ZNG1B: variants seen among roughly 807,000 people sequenced by gnomAD.
ZNG1B encodes the protein zinc-regulated GTPase metalloprotein activator 1B.
At chr2:113,476,091 A>G in the ZNG1B span, among the ~76,000 whole-genome samples, 3 of 151,794 alleles carry the variant, frequency 2.0e-5, no homozygotes, top group Non-Finnish European at 2.9e-5. Flanking sequence ...GTGTTTTCCA[A>G]CTTGGTTCCA....
At chr2:113,442,981 T>G in the ZNG1B span, among the ~76,000 whole-genome samples, 39 of 151,860 alleles carry the variant, frequency 2.6e-4, no homozygotes, top group Non-Finnish European at 4.7e-4. Context: ...GGTTTTTTTT[T>G]TTTTTGAGAT....
At chr2:113,473,763 G>C in the ZNG1B span, among the ~76,000 whole-genome samples, 1 of 147,788 alleles carries the variant, frequency 6.8e-6, no homozygotes, top group South Asian at 2.2e-4. Flanking sequence ...TTTTGTCTTT[G>C]GTTCTGTTTA....
chr2:113,441,929 A>G, the ZNG1B span, among the ~76,000 whole-genome samples: 1 of 152,104 alleles, frequency 6.6e-6, no homozygotes, highest in African/African-American at 2.4e-5. Flanking sequence ...TAGTAGAGAC[A>G]GGGTTTCACC....
the ZNG1B span, among the ~76,000 whole-genome samples, chr2:113,476,205 C>T: frequency 6.6e-6 from 1 of 152,004 alleles, no homozygotes; most frequent in African/African-American, 2.4e-5. Flanking sequence ...ATTCTTTTTT[C>T]TCTAAACTTC....
chr2:113,473,867 T>C, the ZNG1B span, among the ~76,000 whole-genome samples: 4 of 140,906 alleles, frequency 2.8e-5, no homozygotes, highest in Non-Finnish European at 4.6e-5. Flanking sequence ...AGCTTTTTGA[T>C]GTGCTGCTGG....
the ZNG1B span, among the ~76,000 whole-genome samples, chr2:113,462,201 C>T: frequency 1.3e-5 from 2 of 152,092 alleles, no homozygotes; most frequent in Admixed American, 6.5e-5. Context: ...TAGTAATGAA[C>T]ACAATTCATC....
At chr2:113,478,175 G>T in the ZNG1B span, among the ~76,000 whole-genome samples, 13 of 152,166 alleles carry the variant, frequency 8.5e-5, no homozygotes, top group African/African-American at 3.1e-4. Context: ...ACATGTCTCT[G>T]GGTATTTTGA....
the ZNG1B span, among the ~76,000 whole-genome samples, chr2:113,476,310 G>T: frequency 6.6e-6 from 1 of 151,302 alleles, no homozygotes; most frequent in African/African-American, 2.4e-5. Context: ...CATTCTTCAC[G>T]TAGTTCTTGA....
the ZNG1B span, among the ~76,000 whole-genome samples, chr2:113,485,615 G>A: frequency 6.7e-6 from 1 of 148,678 alleles, no homozygotes; most frequent in African/African-American, 2.5e-5. Context: ...GGAAGGCAAA[G>A]TGATTTGAAT....
the ZNG1B span, chr2:113,462,860 T>G: frequency 5.5e-6 from 2 of 366,232 alleles, no homozygotes; most frequent in African/African-American, 4.2e-5. Flanking sequence ...TTACTCATAA[T>G]GTATTCTCAC....
chr2:113,474,650 A>C, the ZNG1B span, among the ~76,000 whole-genome samples: 1 of 137,898 alleles, frequency 7.3e-6, no homozygotes, highest in Non-Finnish European at 1.6e-5. Context: ...CCCTCTATAC[A>C]CTGCTTTGAA....
At chr2:113,468,672 C>A in the ZNG1B span, 1 of 148,874 alleles carries the variant, frequency 6.7e-6, no homozygotes, top group East Asian at 2.0e-4. Context: ...GGTTTTATCT[C>A]CAAAGGAGGA....
the ZNG1B span, among the ~76,000 whole-genome samples, chr2:113,451,831 CTATT>C: frequency 6.6e-6 from 1 of 151,422 alleles, no homozygotes; most frequent in African/African-American, 2.4e-5. Flanking sequence ...GATTTGTAAA[CTATT>C]TATTGGAATA....
chr2:113,456,448 CATTTT>C, the ZNG1B span, among the ~76,000 whole-genome samples: 2 of 132,990 alleles, frequency 1.5e-5, no homozygotes, highest in Non-Finnish European at 3.3e-5. Context: ...ACTGCTAAGA[CATTTT>C]GTTTTTTTTT....
chr2:113,465,927 A>G, the ZNG1B span: 11 of 985,032 alleles, frequency 1.1e-5, no homozygotes, highest in East Asian at 9.1e-4. Context: ...CTGCTATGGC[A>G]GAGATTAGAG....
the ZNG1B span, chr2:113,445,037 A>G: frequency 6.2e-7 from 1 of 1,610,648 alleles, no homozygotes; most frequent in Non-Finnish European, 8.5e-7. Flanking sequence ...GTTAGAGACC[A>G]CTGGATTGGC....
At chr2:113,466,669 C>A in the ZNG1B span, 2 of 985,292 alleles carry the variant, frequency 2.0e-6, no homozygotes, top group East Asian at 2.3e-4. Context: ...CAATGAAGAT[C>A]AGATGTCCTG....
chr2:113,475,791 T>G, the ZNG1B span, among the ~76,000 whole-genome samples: 1 of 152,296 alleles, frequency 6.6e-6, no homozygotes, highest in Non-Finnish European at 1.5e-5. Context: ...CGAAAATTCT[T>G]TTCTTTAAGA....
chr2:113,455,970 G>A, the ZNG1B span, among the ~76,000 whole-genome samples: 686 of 151,110 alleles, frequency 4.5e-3, 10 homozygotes, highest in African/African-American at 0.016. Flanking sequence ...CACCCGCCTC[G>A]GCCTCCCAAA....
Sources: gnomAD v4.1 joint callset for allele counts (sites outside exome capture counted in the v4.1 genomes callset) on GRCh38, gnomAD v4.1.1 for gene constraint, MANE v1.5 for transcripts, NCBI Gene and HGNC (gene_info 2026-07-23, HGNC 2026-07-21) for gene names.